ARB2A: variants seen among roughly 807,000 people sequenced by gnomAD.
ARB2A encodes the protein cotranscriptional regulator ARB2A.
At chr5:93,705,115 A>G in the ARB2A span, among the ~76,000 whole-genome samples, 1 of 152,222 alleles carries the variant, frequency 6.6e-6, no homozygotes, top group African/African-American at 2.4e-5. Context: ...CCCTCAAGTT[A>G]GAAAGCATTC....
At chr5:94,014,654 A>G in the ARB2A span, among the ~76,000 whole-genome samples, 1 of 152,096 alleles carries the variant, frequency 6.6e-6, no homozygotes, top group Non-Finnish European at 1.5e-5. Flanking sequence ...ACAACACAAA[A>G]AAGCAATTCA....
the ARB2A span, among the ~76,000 whole-genome samples, chr5:93,934,575 G>T: frequency 6.6e-6 from 1 of 152,192 alleles, no homozygotes; most frequent in Non-Finnish European, 1.5e-5. Flanking sequence ...ATATGGGCAT[G>T]TGTGTGATCT....
At chr5:94,095,909 C>G in the ARB2A span, among the ~76,000 whole-genome samples, 14 of 152,198 alleles carry the variant, frequency 9.2e-5, no homozygotes, top group Admixed American at 1.3e-4. Flanking sequence ...CTCTCCCGCT[C>G]TCCATCTCTT....
chr5:93,779,179 T>G, the ARB2A span, among the ~76,000 whole-genome samples: 1 of 151,538 alleles, frequency 6.6e-6, no homozygotes, highest in Non-Finnish European at 1.5e-5. Flanking sequence ...AAAAAGTATA[T>G]AGAAAAAAGG....
the ARB2A span, among the ~76,000 whole-genome samples, chr5:93,744,011 T>G: frequency 2.6e-5 from 4 of 152,206 alleles, no homozygotes; most frequent in African/African-American, 9.6e-5. Flanking sequence ...GGTTCATTAG[T>G]GGTTTAAAAA....
chr5:93,917,549 A>G, the ARB2A span, among the ~76,000 whole-genome samples: 1 of 152,128 alleles, frequency 6.6e-6, no homozygotes, highest in Non-Finnish European at 1.5e-5. Flanking sequence ...CATTACTGCA[A>G]AGAAAAAAAA....
chr5:93,762,306 A>C, the ARB2A span, among the ~76,000 whole-genome samples: 2 of 152,234 alleles, frequency 1.3e-5, no homozygotes, highest in African/African-American at 4.8e-5. Flanking sequence ...ACCTTGAAAA[A>C]AAATTAGACG....
the ARB2A span, among the ~76,000 whole-genome samples, chr5:94,045,123 A>G: frequency 6.7e-6 from 1 of 150,022 alleles, no homozygotes; most frequent in African/African-American, 2.4e-5. Flanking sequence ...ATCTCAAAAA[A>G]AAAAAAAAAA....
the ARB2A span, among the ~76,000 whole-genome samples, chr5:93,846,821 C>T: frequency 6.6e-6 from 1 of 152,092 alleles, no homozygotes; most frequent in African/African-American, 2.4e-5. Flanking sequence ...TTGATGGCTG[C>T]TGACTGATCA....
the ARB2A span, chr5:93,784,373 C>A: frequency 6.2e-7 from 1 of 1,608,132 alleles, no homozygotes; most frequent in South Asian, 1.1e-5. Context: ...TAAAAAAAAC[C>A]AAGTCTCACC....
the ARB2A span, among the ~76,000 whole-genome samples, chr5:93,716,635 C>T: frequency 7.7e-6 from 1 of 129,326 alleles, no homozygotes; most frequent in Non-Finnish European, 1.5e-5. Flanking sequence ...AACAAATTCA[C>T]ATGTGGTTAG....
the ARB2A span, among the ~76,000 whole-genome samples, chr5:94,050,347 C>G: frequency 6.6e-6 from 1 of 151,606 alleles, no homozygotes; most frequent in East Asian, 1.9e-4. Flanking sequence ...CTCCGCCTCC[C>G]AGGTTCAAGC....
the ARB2A span, among the ~76,000 whole-genome samples, chr5:93,644,579 G>A: frequency 1.3e-5 from 2 of 152,268 alleles, no homozygotes; most frequent in South Asian, 4.1e-4. Context: ...TTTACTGAGA[G>A]GTCACCAGTA....
At chr5:93,998,079 C>T in the ARB2A span, among the ~76,000 whole-genome samples, 1 of 151,732 alleles carries the variant, frequency 6.6e-6, no homozygotes, top group Non-Finnish European at 1.5e-5. Context: ...CAAGGAACAA[C>T]TTGTGCACTC....
chr5:93,934,641 C>T, the ARB2A span, among the ~76,000 whole-genome samples: 2 of 152,152 alleles, frequency 1.3e-5, no homozygotes, highest in Non-Finnish European at 2.9e-5. Flanking sequence ...GGTTTCTTCA[C>T]TCTTAAGAGA....
chr5:93,672,691 C>T, the ARB2A span, among the ~76,000 whole-genome samples: 2 of 152,092 alleles, frequency 1.3e-5, no homozygotes, highest in African/African-American at 2.4e-5. Context: ...GTAAGGAATA[C>T]TTAAAACCCA....
the ARB2A span, among the ~76,000 whole-genome samples, chr5:93,712,256 A>G: frequency 6.6e-6 from 1 of 152,162 alleles, no homozygotes; most frequent in South Asian, 2.1e-4. Flanking sequence ...ACAAAACAAA[A>G]CAAAACAAAA....
the ARB2A span, among the ~76,000 whole-genome samples, chr5:93,985,939 A>T: frequency 7.1e-6 from 1 of 141,590 alleles, no homozygotes; most frequent in African/African-American, 2.7e-5. Context: ...GGAAGTGAGG[A>T]GCGCCTCTTC....
chr5:93,798,389 A>G, the ARB2A span, among the ~76,000 whole-genome samples: 1 of 152,134 alleles, frequency 6.6e-6, no homozygotes, highest in Admixed American at 6.5e-5. Context: ...AAATGTTTCT[A>G]GAAGGTAATT....
Sources: gnomAD v4.1 joint callset for allele counts (sites outside exome capture counted in the v4.1 genomes callset) on GRCh38, gnomAD v4.1.1 for gene constraint, MANE v1.5 for transcripts, NCBI Gene and HGNC (gene_info 2026-07-23, HGNC 2026-07-21) for gene names.